KLF3: variants seen among roughly 807,000 people sequenced by gnomAD.
The protein encoded by KLF3 is KLF transcription factor 3, also known as Krueppel-like factor 3.
In KLF3, 6 loss-of-function variants were observed where a neutral mutation model predicts 32.7. The ratio of observed to expected loss-of-function variants is 0.18; its 90% CI spans 0.10 to 0.36. The LOEUF is 0.36. KLF3 is among the 10% of genes least tolerant of loss of function. The probability of loss-of-function intolerance (pLI) is 1.00; values close to 1 mark genes in which losing one functional copy is unlikely to be tolerated. For synonymous variants in KLF3, 145 were observed against 172.8 expected (o/e 0.84, Z 1.26); for missense variants, 338 against 449.7 (o/e 0.75, Z 2.25).
intron 2 of KLF3, among the ~76,000 whole-genome samples, chr4:38,683,267 T>C (rs1455248136): frequency 1.3e-5 from 2 of 152,246 alleles, no homozygotes; most frequent in Non-Finnish European, 2.9e-5. Context: ...TATTTTATGG[T>C]AACTTATTTC....
intron 2 of KLF3, among the ~76,000 whole-genome samples, chr4:38,687,262 C>A (rs1315189313): frequency 2.0e-5 from 3 of 152,166 alleles, no homozygotes; most frequent in Non-Finnish European, 2.9e-5. Context: ...GCTTGACATG[C>A]AAAATTTCAG....
chr4:38,667,812 A>C (rs1470961692), intron 1 of KLF3, among the ~76,000 whole-genome samples: 1 of 152,226 alleles, frequency 6.6e-6, no homozygotes, highest in Non-Finnish European at 1.5e-5. Context: ...CCGTGGATGG[A>C]GAATTTAAGC....
At chr4:38,696,842 A>T (rs1233141513) in intron 5 of KLF3, among the ~76,000 whole-genome samples, 1 of 148,858 alleles carries the variant, frequency 6.7e-6, no homozygotes, top group Non-Finnish European at 1.5e-5. Flanking sequence ...GATTTCAGTG[A>T]CTCTGTGTTT....
intron 1 of KLF3, chr4:38,664,991 C>G (rs1427217357): frequency 6.8e-6 from 1 of 146,098 alleles, no homozygotes; most frequent in African/African-American, 2.5e-5. Flanking sequence ...CCTCCCTCCG[C>G]CCGCGCCCCC....
rs56675939 is a variant in KLF3, at chr4:38,677,878, AGTGTGTGTGT to A, written c.-39-2680_-39-2671del. Reference sequence around the variant, plus strand: ...TATGGATATAAATGAGGGCAAAAGGAGTGTGTGTGTGTGTGTGTGTGTGTGTGTGTGTGTG... The same window carrying A: ...TATGGATATAAATGAGGGCAAAAGGAGTGTGTGTGTGTGTGTGTGTGTGTG... On this transcript the variant is annotated intron_variant, in intron 1 of 5. Transcript: ENST00000261438. Among the ~76,000 whole-genome samples the A allele has an allele frequency of 8.6e-3, 1,257 of 146,310 alleles. 22 individuals carry two copies. The highest frequency in any genetic ancestry group is 0.029 in the African/African-American group (1,138 of 39,694).
At chr4:38,666,045 AAT>A (rs1351241743) in intron 1 of KLF3, among the ~76,000 whole-genome samples, 2 of 152,238 alleles carry the variant, frequency 1.3e-5, no homozygotes, top group Non-Finnish European at 1.5e-5. Context: ...TGTTCGATTA[AAT>A]TAAACTCCCT....
At chr4:38,687,820 G>T (rs200238867) in intron 2 of KLF3, among the ~76,000 whole-genome samples, 1 of 152,148 alleles carries the variant, frequency 6.6e-6, no homozygotes, top group South Asian at 2.1e-4. Context: ...CATCATTGCC[G>T]CAGTGAGGGT....
In KLF3 at chr4:38,689,081, G is replaced by A. The variant is rs369740963; in HGVS notation, c.544+10G>A. Reference sequence around the variant, plus strand: ...AGTAGTAGCATGCAAGGTAAATTCCGCCACTGCTCCATGCTGCTGCACTTG... The same window carrying A: ...AGTAGTAGCATGCAAGGTAAATTCCACCACTGCTCCATGCTGCTGCACTTG... On this transcript the variant is annotated intron_variant, in intron 3 of 5. Coordinates refer to ENST00000261438, the MANE Select transcript of KLF3 (RefSeq NM_016531.6). 16 of 1,611,616 alleles carry A rather than the reference G, an allele frequency of 9.9e-6. No homozygotes were observed. Among genetic ancestry groups the A allele is most frequent in the South Asian group, 3.3e-5 (3 of 91,016 alleles).
At chr4:38,666,167 A>G (rs1722032046) in intron 1 of KLF3, among the ~76,000 whole-genome samples, 1 of 152,214 alleles carries the variant, frequency 6.6e-6, no homozygotes, top group South Asian at 2.1e-4. Context: ...GATACATTGT[A>G]AAGAACATTT....
At chr4:38,667,831 C>G (rs1722089070) in intron 1 of KLF3, among the ~76,000 whole-genome samples, 1 of 152,200 alleles carries the variant, frequency 6.6e-6, no homozygotes, top group Admixed American at 6.5e-5. Flanking sequence ...GCAATGTTGG[C>G]AGCCTGGCTT....
intron 2 of KLF3, among the ~76,000 whole-genome samples, chr4:38,687,225 T>C (rs1037176743): frequency 2.0e-5 from 3 of 152,220 alleles, no homozygotes; most frequent in African/African-American, 7.2e-5. Context: ...GACATTCAAG[T>C]ACAAAGAATT....
chr4:38,676,956 G>GTTTTT (rs34392158), intron 1 of KLF3, among the ~76,000 whole-genome samples: 5 of 105,530 alleles, frequency 4.7e-5, no homozygotes, highest in African/African-American at 7.8e-5. Context: ...GTGCCAGTGT[G>GTTTTT]TTTTTTTTTT....
Position 38,689,830 on chromosome 4 carries a change from TCACCC to T in KLF3, c.648_652del (p.Pro217LeufsTer45). The T allele has an allele frequency of 6.2e-7, 1 of 1,607,242 alleles. No individual in the cohort carries two copies. Among genetic ancestry groups the T allele is most frequent in the Non-Finnish European group, 8.5e-7 (1 of 1,174,466 alleles). ...GACAGATTATTATCCTGAAGAAATG[TCACCC>T]CCCTTAATGAACTCAGTGTCCCCCC... On this transcript the variant is annotated frameshift_variant, in exon 4 of 6. Coordinates refer to ENST00000261438, the MANE Select transcript of KLF3 (RefSeq NM_016531.6). LOFTEE classifies it high-confidence loss of function.
rs1723102732 is a variant in KLF3, at chr4:38,698,091, G to C, written c.*828G>C. 6.6e-6 allele frequency: 1 copy of C among 152,166 alleles called. No homozygotes were observed. Among genetic ancestry groups the C allele is most frequent in the South Asian group, 2.1e-4 (1 of 4,830 alleles). The allele number at this position is 152,166 out of a possible 1,614,324, so 9.4% of individuals were successfully genotyped here. ...CAGCATTCCCAGAGCTTCAGTCTCTGTGCATACTCAGCTTTGTAGAACCAT... is the reference window on the plus strand; with the variant it reads ...CAGCATTCCCAGAGCTTCAGTCTCTCTGCATACTCAGCTTTGTAGAACCAT... On this transcript the variant is annotated 3_prime_UTR_variant, in exon 6 of 6. Coordinates refer to ENST00000261438, the MANE Select transcript of KLF3 (RefSeq NM_016531.6).
intron 2 of KLF3, among the ~76,000 whole-genome samples, chr4:38,681,393 G>T (rs1722521740): frequency 6.6e-6 from 1 of 152,236 alleles, no homozygotes; most frequent in African/African-American, 2.4e-5. Flanking sequence ...ACTGAGGGAA[G>T]CCAGCGAGAG....
intron 1 of KLF3, among the ~76,000 whole-genome samples, chr4:38,673,803 T>C (rs1397687470): frequency 1.3e-5 from 2 of 152,122 alleles, no homozygotes; most frequent in African/African-American, 4.8e-5. Flanking sequence ...CTTTCCGAAG[T>C]ACAGGGTGTG....
In KLF3 at chr4:38,693,993, T is replaced by C. The variant is rs78407313; in HGVS notation, c.696-753T>C. Among the ~76,000 whole-genome samples, 473 of 152,174 alleles carry C rather than the reference T, an allele frequency of 3.1e-3. 2 individuals carry two copies. Among genetic ancestry groups the C allele is most frequent in the Admixed American group, 4.5e-3 (69 of 15,278 alleles). The stretch of plus-strand genomic sequence containing the variant: ...GGTAGGGAGAACGTCAGGCATGCCA[T>C]GGGGGAGCCGGCACCACGTGAGCCA... On this transcript the variant is annotated intron_variant, in intron 4 of 5. Coordinates refer to ENST00000261438, the MANE Select transcript of KLF3 (RefSeq NM_016531.6).
At chr4:38,696,379 A>T (rs1160572132) in intron 5 of KLF3, among the ~76,000 whole-genome samples, 1 of 152,034 alleles carries the variant, frequency 6.6e-6, no homozygotes, top group Non-Finnish European at 1.5e-5. Context: ...AAAAGGTAAG[A>T]TTGCCATAAC....
chr4:38,676,992 G>A (rs1160917073), intron 1 of KLF3, among the ~76,000 whole-genome samples: 4 of 121,532 alleles, frequency 3.3e-5, no homozygotes, highest in East Asian at 2.3e-4. Flanking sequence ...CCAGAGTTTC[G>A]CTTTTGTTGC....
Sources: allele counts gnomAD v4.1 joint callset (sites outside exome capture counted in the v4.1 genomes callset), GRCh38; gene constraint gnomAD v4.1.1; transcripts MANE v1.5; gene names NCBI Gene and HGNC (gene_info 2026-07-23, HGNC 2026-07-21).